TMEM233: variants seen among roughly 807,000 people sequenced by gnomAD.
The protein encoded by TMEM233 is transmembrane protein 233, also known as dispanin subfamily B member 2.
TMEM233 carries 6 observed loss-of-function variants against 11.2 expected under a neutral mutation model. The observed-to-expected ratio is 0.54, with a 90% CI of 0.29 to 1.06. The LOEUF is 1.06. Ranked by LOEUF, TMEM233 falls within the 50% of genes least tolerant of loss-of-function variation. The pLI is 0.08. For missense variants in TMEM233, 127 were observed against 144.7 expected, an observed-to-expected ratio of 0.88 and a Z score of 0.63; for synonymous variants, 59 against 55.8, an observed-to-expected ratio of 1.06 and a Z score of -0.26.
At chr12:119,650,684 C>T in the TMEM233 span, among the ~76,000 whole-genome samples, 1 of 152,094 alleles carries the variant, frequency 6.6e-6, no homozygotes, top group African/African-American at 2.4e-5. Flanking sequence ...GCTCTGTTGC[C>T]CAGGCTGGGG....
intron 1 of TMEM233, among the ~76,000 whole-genome samples, chr12:119,627,494 G>C (rs1038581572): frequency 2.1e-4 from 32 of 152,336 alleles, no homozygotes; most frequent in Middle Eastern, 3.4e-3. Context: ...ACTCATTGTG[G>C]AAAGCAAGGG....
At chr12:119,618,952 G>A (rs894564599) in intron 1 of TMEM233, among the ~76,000 whole-genome samples, 5 of 147,258 alleles carry the variant, frequency 3.4e-5, no homozygotes, top group Non-Finnish European at 5.9e-5. Context: ...GTTTGGCAGT[G>A]TCCTCACCCA....
At chr12:119,630,712 G>A (rs916759875) in intron 2 of TMEM233, among the ~76,000 whole-genome samples, 7 of 152,198 alleles carry the variant, frequency 4.6e-5, no homozygotes, top group South Asian at 4.1e-4. Flanking sequence ...GACAAATGTC[G>A]CTTAGGCTTA....
chr12:119,606,594 T>C (rs995074577), intron 1 of TMEM233, among the ~76,000 whole-genome samples: 1 of 152,128 alleles, frequency 6.6e-6, no homozygotes, highest in Non-Finnish European at 1.5e-5. Context: ...GCATTAGCAA[T>C]AGCAAACAAA....
chr12:119,646,187 A>G (rs1185560342), downstream of TMEM233, among the ~76,000 whole-genome samples: 2 of 151,996 alleles, frequency 1.3e-5, no homozygotes, highest in African/African-American at 4.8e-5. Context: ...CCTCCCGAGT[A>G]GCTGGGACTA....
downstream of TMEM233, among the ~76,000 whole-genome samples, chr12:119,646,511 T>C (rs573140379): frequency 4.6e-5 from 7 of 152,344 alleles, no homozygotes; most frequent in Admixed American, 1.3e-4. Context: ...AGGGTTGGAT[T>C]CCTTTCTGGA....
At chr12:119,651,326 A>C in the TMEM233 span, among the ~76,000 whole-genome samples, 1 of 152,226 alleles carries the variant, frequency 6.6e-6, no homozygotes, top group African/African-American at 2.4e-5. Flanking sequence ...TTCAGGCTAC[A>C]AACTTCCTCA....
chr12:119,636,124 C>T (rs1248231936), intron 2 of TMEM233, among the ~76,000 whole-genome samples: 2 of 152,116 alleles, frequency 1.3e-5, no homozygotes, highest in Non-Finnish European at 2.9e-5. Context: ...AAGTTCCAAC[C>T]TTCTAATTAC....
chr12:119,623,434 G>T (rs748868455), intron 1 of TMEM233, among the ~76,000 whole-genome samples: 1 of 151,910 alleles, frequency 6.6e-6, no homozygotes, highest in Non-Finnish European at 1.5e-5. Flanking sequence ...GATTTTGATT[G>T]TAAAGCCTCT....
At position 119,640,864 on chromosome 12, in the gene TMEM233, A is replaced by AT. The variant is rs978546455; in HGVS notation, c.*159_*160insT. The AT allele has an allele frequency of 2.7e-4, 215 of 796,686 alleles. 3 individuals are homozygous for AT. Among genetic ancestry groups the AT allele is most frequent in the Non-Finnish European group, 3.2e-4 (174 of 541,578 alleles). The allele number at this position is 796,686 out of a possible 1,614,324, so 49.4% of individuals were successfully genotyped here. A position where few individuals can be genotyped will look rare whatever the true frequency, so the allele number is the denominator to read the frequency against. On this transcript the variant is annotated 3_prime_UTR_variant, in exon 3 of 3. Transcript: ENST00000426426. The stretch of plus-strand genomic sequence containing the variant: ...CCCTGGCAAATGAACAAGAAAAAAA[A>AT]AAAAAAAAAGTCCAAAATTTAGGCA...
intron 1 of TMEM233, among the ~76,000 whole-genome samples, chr12:119,607,475 T>C (rs747344039): frequency 3.3e-5 from 5 of 152,130 alleles, no homozygotes; most frequent in Non-Finnish European, 5.9e-5. Context: ...AATATTCCTA[T>C]CAAAAGTTTT....
At chr12:119,631,501 G>C (rs1377779808) in intron 2 of TMEM233, 1 of 985,282 alleles carries the variant, frequency 1.0e-6, no homozygotes. Flanking sequence ...AAAGAGAAAA[G>C]GACACTCAAA....
In TMEM233 at chr12:119,594,355, C is replaced by G. The variant is rs1054110274; in HGVS notation, c.186+321C>G. ...GTTCTTCCGTGGACTTTGCTGACTC[C>G]TCTGACCTTCCTAGGCACTTGCCCG... On this transcript the variant is annotated intron_variant, in intron 1 of 2. Coordinates refer to ENST00000426426, the MANE Select transcript of TMEM233 (RefSeq NM_001136534.3). This position sits in a 1 kb window ranked among gnomAD's most constrained non-coding sequence, Gnocchi z 5.6. 3.2e-6 allele frequency: 1 copy of G among 310,646 alleles called. No homozygotes were observed. The highest frequency in any genetic ancestry group is 6.0e-6 in the Non-Finnish European group (1 of 166,830). The allele number at this position is 310,646 out of a possible 1,614,324, so 19.2% of individuals were successfully genotyped here.
At chr12:119,633,329 T>C (rs1954921181) in intron 2 of TMEM233, among the ~76,000 whole-genome samples, 1 of 152,102 alleles carries the variant, frequency 6.6e-6, no homozygotes, top group African/African-American at 2.4e-5. Context: ...CCTATAATCC[T>C]AGCACTTTGG....
intron 1 of TMEM233, among the ~76,000 whole-genome samples, chr12:119,617,603 G>A (rs1280562682): frequency 6.6e-6 from 1 of 152,170 alleles, no homozygotes; most frequent in African/African-American, 2.4e-5. Flanking sequence ...AGAGGCCAAG[G>A]TGGGCAGATT....
downstream of TMEM233, among the ~76,000 whole-genome samples, chr12:119,647,067 T>C (rs1566119059): frequency 1.3e-5 from 2 of 152,088 alleles, no homozygotes; most frequent in East Asian, 3.9e-4. Flanking sequence ...CAAACTTTCT[T>C]TTTTTTTGGA....
intron 1 of TMEM233, among the ~76,000 whole-genome samples, chr12:119,610,595 G>C (rs1000174550): frequency 2.6e-5 from 4 of 152,126 alleles, no homozygotes; most frequent in Non-Finnish European, 5.9e-5. Flanking sequence ...TCTCATGATA[G>C]TGAGTTCTCA....
At chr12:119,640,248 G>A (rs959850233) in intron 2 of TMEM233, among the ~76,000 whole-genome samples, 9 of 152,182 alleles carry the variant, frequency 5.9e-5, no homozygotes, top group Admixed American at 3.3e-4. Context: ...TCCGCCTCCC[G>A]GGTTCACGCC....
chr12:119,645,729 G>T (rs1477482291), downstream of TMEM233, among the ~76,000 whole-genome samples: 1 of 152,154 alleles, frequency 6.6e-6, no homozygotes, highest in African/African-American at 2.4e-5. Flanking sequence ...CAATGACCCG[G>T]TCACGGCGTT....
Sources: gnomAD v4.1 joint callset for allele counts (sites outside exome capture counted in the v4.1 genomes callset) on GRCh38, gnomAD v4.1.1 for gene constraint, Gnocchi (gnomAD v3.1) non-coding constraint, MANE v1.5 for transcripts, NCBI Gene and HGNC (gene_info 2026-07-23, HGNC 2026-07-21) for gene names.